AZI2: variants seen among roughly 807,000 people sequenced by gnomAD.
AZI2 encodes 5-azacytidine induced 2.
A neutral mutation model predicts 45.8 loss-of-function variants in AZI2; 22 were observed. The ratio of observed to expected loss-of-function variants is 0.48; its 90% CI spans 0.34 to 0.69. The LOEUF is 0.69. AZI2 is among the 30% of genes least tolerant of loss of function. AZI2 has a pLI of 0.01. For missense variants in AZI2, 417 were observed against 441.5 expected, an observed-to-expected ratio of 0.94 and a Z score of 0.50; for synonymous variants, 137 against 156.7, an observed-to-expected ratio of 0.87 and a Z score of 0.94.
chr3:28,340,519 T>C lies in AZI2; in HGVS notation c.99A>G (p.Glu33=), dbSNP rs142780118. 6.0e-4 allele frequency: 972 copies of C among 1,613,060 alleles called. 1 individual carries two copies. The highest frequency in any genetic ancestry group is 3.0e-3 in the Middle Eastern group (18 of 6,054). The change falls in exon 2 of 8, where the codon GAA becomes GAG. Residue 33 remains glutamate, a synonymous_variant. Coordinates refer to ENST00000479665, the MANE Select transcript of AZI2 (RefSeq NM_022461.5). ...CAAGAGCAAAATGGGAAGCAACAGA[T>C]TCATCTCCTGAATATATTGAAACTG... ...VTPVSIYSGD[E]SVASHFALVT...
In AZI2 at chr3:28,342,042, T is replaced by C. The variant is rs563006995; in HGVS notation, c.-5-1420A>G. The stretch of plus-strand genomic sequence containing the variant: ...CTTCCAAAATGTCTAATCTCCCTCC[T>C]GTGTCAACTAATCCCTTTAACATTT... On this transcript the variant is annotated intron_variant, in intron 1 of 7. Coordinates refer to ENST00000479665, the MANE Select transcript of AZI2 (RefSeq NM_022461.5). Among the ~76,000 whole-genome samples the C allele has an allele frequency of 2.6e-5, 4 of 152,246 alleles. No individual in the cohort carries two copies. The South Asian group carries it at 8.3e-4, about 32-fold the overall frequency.
At chr3:28,346,143 T>G (rs1406573890) in intron 1 of AZI2, among the ~76,000 whole-genome samples, 1 of 152,160 alleles carries the variant, frequency 6.6e-6, no homozygotes, top group African/African-American at 2.4e-5. Context: ...AAAGGGATTC[T>G]GGTTATCCTA....
Position 28,324,143 on chromosome 3 carries a change from T to A in AZI2, c.1078A>T (p.Thr360Ser). 1 of 1,610,630 alleles carries A rather than the reference T, an allele frequency of 6.2e-7. No individual in the cohort carries two copies. The highest frequency in any genetic ancestry group is 8.5e-7 in the Non-Finnish European group (1 of 1,177,592). ...TTAGTTTTAGTTTCCCCAAATGCTG[T>A]CTCACTTGATTTAGGAGGACTTGGA... ...VFPSPPKSSETAFGETKTKTL... is the reference protein window; with the variant it reads ...VFPSPPKSSESAFGETKTKTL... The change falls in exon 8 of 8, where the codon ACA becomes TCA. Residue 360 changes from threonine to serine, a missense_variant. Thr to Ser is a moderately conservative substitution (Grantham distance 58). Coordinates refer to ENST00000479665, the MANE Select transcript of AZI2 (RefSeq NM_022461.5).
intron 1 of AZI2, among the ~76,000 whole-genome samples, chr3:28,343,832 A>T: frequency 6.6e-6 from 1 of 152,174 alleles, no homozygotes; most frequent in Admixed American, 6.5e-5. Context: ...AAGGCTTACA[A>T]AAGTACTTTA....
intron 2 of AZI2, among the ~76,000 whole-genome samples, chr3:28,339,011 G>A (rs749854511): frequency 6.1e-5 from 9 of 148,044 alleles, no homozygotes; most frequent in Non-Finnish European, 1.0e-4. Flanking sequence ...ACTGAGTTTC[G>A]CTCTCATCAC....
chr3:28,348,777 G>C lies in AZI2; in HGVS notation c.-182C>G, dbSNP rs549667568. The C allele has an allele frequency of 1.2e-4, 23 of 187,882 alleles. No homozygotes were observed. In the South Asian group the frequency reaches 4.1e-3, roughly 34 times the overall value. 11.6% of individuals were successfully genotyped at this position (187,882 alleles called of 1,614,324 possible). A position where few individuals can be genotyped will look rare whatever the true frequency, so the allele number is the denominator to read the frequency against. ...CTGCTCCGGGCACGTCGCGGAGGGA[G>C]TCCCATTTCTTCTGACTCGGCAGGA... On this transcript the variant is annotated 5_prime_UTR_variant, in exon 1 of 8. Transcript: ENST00000479665.
At chr3:28,345,800 A>T (rs1407586222) in intron 1 of AZI2, among the ~76,000 whole-genome samples, 3 of 152,134 alleles carry the variant, frequency 2.0e-5, no homozygotes, top group Admixed American at 2.0e-4. Flanking sequence ...AAAGTTTGGG[A>T]TACTAGAAAA....
At position 28,332,395 on chromosome 3, in the gene AZI2, T is replaced by A; in HGVS notation, c.621A>T (p.Arg207Ser). 1 of 1,608,934 alleles carries A rather than the reference T, an allele frequency of 6.2e-7. No individual in the cohort carries two copies. The highest frequency in any genetic ancestry group is 8.5e-7 in the Non-Finnish European group (1 of 1,176,438). ...DPYQEDNLKS[R>S]DLQKLSISSD... ...TTGAAATGCTTAGTTTTTGGAGATC[T>A]CTGCTCTTCAGATTGTCTTCCTGAT... Residue 207 changes from arginine to serine, a missense_variant, in exon 6 of 8, where the codon AGA (arginine) becomes AGT (serine). By Grantham distance (110) the Arg-to-Ser change is moderately radical (BLOSUM62 -1). Transcript: ENST00000479665.
chr3:28,340,305 C>G (rs1238194064), intron 2 of AZI2, 97 bp downstream of exon 2: 2 of 829,740 alleles, frequency 2.4e-6, no homozygotes, highest in East Asian at 5.4e-5. Context: ...AAATTTAGTA[C>G]AATCATGGAA....
chr3:28,337,895 T>C lies in AZI2; in HGVS notation c.439+42A>G, dbSNP rs776865320. 7.2e-6 allele frequency: 9 copies of C among 1,249,306 alleles called. No homozygotes were observed. The East Asian group carries it at 7.6e-5, about 11-fold the overall frequency. 77.4% of individuals were successfully genotyped at this position (1,249,306 alleles called of 1,614,324 possible). On this transcript the variant is annotated intron_variant, in intron 4 of 7. Coordinates refer to ENST00000479665, the MANE Select transcript of AZI2 (RefSeq NM_022461.5). ...GATATTACAAATAAATGGAAAAATA[T>C]GTTAATTCTGTTAGAATATTTATAA...
At chr3:28,343,976 T>TAAA (rs1704127840) in intron 1 of AZI2, among the ~76,000 whole-genome samples, 2 of 151,744 alleles carry the variant, frequency 1.3e-5, no homozygotes, top group Non-Finnish European at 2.9e-5. Flanking sequence ...AATCAAAAGT[T>TAAA]GCATATATTA....
intron 1 of AZI2, among the ~76,000 whole-genome samples, chr3:28,344,479 G>A (rs541929897): frequency 2.6e-5 from 4 of 152,082 alleles, no homozygotes; most frequent in East Asian, 3.9e-4. Context: ...TTATTGCTAC[G>A]CAAGCATCCT....
intron 6 of AZI2, among the ~76,000 whole-genome samples, chr3:28,332,142 G>T (rs894855791): frequency 6.6e-6 from 1 of 151,464 alleles, no homozygotes. Flanking sequence ...ATTACTAAAT[G>T]TTCAGAAAGT....
chr3:28,332,159 C>T (rs1024640000), intron 6 of AZI2, among the ~76,000 whole-genome samples: 55 of 151,652 alleles, frequency 3.6e-4, no homozygotes, highest in African/African-American at 1.3e-3. Context: ...AAGTTTAAGG[C>T]ATCCTGTTTT....
rs1703408111 is a variant in AZI2 at position 28,326,819 on chromosome 3, AAC to A, written c.766+11_766+12del. The A allele has an allele frequency of 3.2e-6, 5 of 1,584,142 alleles. No individual in the cohort carries two copies. In the African/African-American group the frequency reaches 5.4e-5, roughly 17 times the overall value. ...TGGCTGGAATCAGTGGTTTCCGGTA[AAC>A]AGTGACTTGCCTTTCTTGATTGCAG... is the stretch of plus-strand genomic sequence containing the variant. On this transcript the variant is annotated intron_variant, in intron 7 of 7. Transcript: ENST00000479665.
chr3:28,328,892 T>C lies in AZI2; in HGVS notation c.648-1942A>G, dbSNP rs548955838. Among the ~76,000 whole-genome samples the C allele has an allele frequency of 3.3e-4, 50 of 151,350 alleles. 1 individual carries two copies. In the South Asian group the frequency reaches 4.4e-3, roughly 13 times the overall value. On this transcript the variant is annotated intron_variant, in intron 6 of 7. Coordinates refer to ENST00000479665, the MANE Select transcript of AZI2 (RefSeq NM_022461.5). ...TGTTTAAACCATTATTTAAATGATA[T>C]TGGAAAAGGCAAGTTGTCATCCCTA...
At position 28,324,288 on chromosome 3, in the gene AZI2, T is replaced by A. The variant is rs1376168460; in HGVS notation, c.933A>T (p.Ser311=). 1 of 1,608,214 alleles carries A rather than the reference T, an allele frequency of 6.2e-7. No homozygotes were observed. Among genetic ancestry groups the A allele is most frequent in the Admixed American group, 1.7e-5 (1 of 59,582 alleles). ...TCCATGATTGGAGGATTGCTTTCTC[T>A]GATAAAACCTTTACATCTCCTGGTA... ...SPLPGDVKVL[S]EKAILQSWTD... Residue 311 remains serine, a synonymous_variant, in exon 8 of 8, where the codon TCA becomes TCT. Transcript: ENST00000479665.
chr3:28,338,594 C>G lies in AZI2; in HGVS notation c.238G>C (p.Glu80Gln). The G allele has an allele frequency of 6.2e-7, 1 of 1,610,138 alleles. No homozygotes were observed. The highest frequency in any genetic ancestry group is 8.5e-7 in the Non-Finnish European group (1 of 1,178,116). Reference sequence around the variant, plus strand: ...TGTTCTCGTCCCACGGAACTTGTTTCTTCTTCAAATCGAGCTATTAGCTAA... The same window carrying G: ...TGTTCTCGTCCCACGGAACTTGTTTGTTCTTCAAATCGAGCTATTAGCTAA... ...EEKLIARFEE[E>Q]TSSVGREQVN... Residue 80 changes from glutamate (E) to glutamine (Q), a missense_variant, in exon 3 of 8, where the codon GAA becomes CAA. Glu to Gln is a conservative substitution (Grantham distance 29). Transcript: ENST00000479665.
intron 1 of AZI2, among the ~76,000 whole-genome samples, chr3:28,341,955 T>G (rs772659947): frequency 3.3e-5 from 5 of 152,056 alleles, no homozygotes; most frequent in African/African-American, 9.7e-5. Flanking sequence ...AGAGTTGAGA[T>G]GTAAACATAG....
Sources: allele counts gnomAD v4.1 joint callset (sites outside exome capture counted in the v4.1 genomes callset), GRCh38; gene constraint gnomAD v4.1.1; transcripts MANE v1.5; gene names NCBI Gene and HGNC (gene_info 2026-07-23, HGNC 2026-07-21).